The following DNER variants were observed in gnomAD, a reference collection of about 807,000 sequenced individuals.
DNER encodes delta/notch like EGF repeat containing.
Under a neutral mutation model 78.2 loss-of-function variants are expected in DNER, and 33 were observed. That is an observed-to-expected ratio of 0.42 (90% CI 0.32 to 0.56). The LOEUF is 0.56. Among genes scored for constraint, DNER ranks in the 20% least tolerant of loss-of-function variants. DNER has a pLI of 0.11. For missense variants in DNER, 918 were observed against 975.3 expected, an observed-to-expected ratio of 0.94 and a Z score of 0.78; for synonymous variants, 417 against 384.8, an observed-to-expected ratio of 1.08 and a Z score of -0.98.
chr2:229,387,554 A>G (rs1692911882), intron 11 of DNER, among the ~76,000 whole-genome samples: 1 of 151,324 alleles, frequency 6.6e-6, no homozygotes, highest in Admixed American at 6.6e-5. Flanking sequence ...AAAGAAAGAA[A>G]GAAAGAAAGA....
At chr2:229,692,174 A>G (rs75812807) in intron 1 of DNER, among the ~76,000 whole-genome samples, 1 of 152,168 alleles carries the variant, frequency 6.6e-6, no homozygotes, top group Non-Finnish European at 1.5e-5. Context: ...GTTGCTTGCA[A>G]CCCAGAGGGT....
chr2:229,485,071 C>A (rs7565085), intron 6 of DNER, among the ~76,000 whole-genome samples: 19,063 of 152,204 alleles, frequency 0.13, 1,337 homozygotes, highest in South Asian at 0.2. Flanking sequence ...AAACAGATGA[C>A]TATTGAAAAT....
chr2:229,470,576 G>A (rs773925555), intron 7 of DNER, among the ~76,000 whole-genome samples: 2 of 152,154 alleles, frequency 1.3e-5, no homozygotes, highest in Non-Finnish European at 2.9e-5. Flanking sequence ...TTGGAAGGGC[G>A]CAGTGGCTCA....
chr2:229,453,401 G>A (rs996489946), intron 7 of DNER, among the ~76,000 whole-genome samples: 1 of 152,144 alleles, frequency 6.6e-6, no homozygotes, highest in Non-Finnish European at 1.5e-5. Flanking sequence ...TTTTGCAGTT[G>A]TTCAATAGTC....
At chr2:229,627,382 A>G (rs1698362711) in intron 1 of DNER, among the ~76,000 whole-genome samples, 1 of 152,256 alleles carries the variant, frequency 6.6e-6, no homozygotes. Context: ...TTTATTTCAC[A>G]ACTTTAGACA....
chr2:229,567,285 CTA>C (rs1325273152), intron 4 of DNER, among the ~76,000 whole-genome samples: 1 of 152,202 alleles, frequency 6.6e-6, no homozygotes, highest in African/African-American at 2.4e-5. Context: ...CTACTAAAAC[CTA>C]TGATTCATGA....
chr2:229,713,208 G>A (rs1203341848), intron 1 of DNER, among the ~76,000 whole-genome samples: 3 of 152,210 alleles, frequency 2.0e-5, no homozygotes, highest in African/African-American at 7.2e-5. Context: ...CAGGTTTGGG[G>A]ATTTTCTACC....
At chr2:229,705,387 G>T (rs1699810657) in intron 1 of DNER, among the ~76,000 whole-genome samples, 1 of 152,192 alleles carries the variant, frequency 6.6e-6, no homozygotes, top group Non-Finnish European at 1.5e-5. Context: ...CAAGTACAGT[G>T]ATTTCATTTC....
rs1697598815 is a variant in DNER, at chr2:229,591,114, T to C, written c.585+466A>G. Among the ~76,000 whole-genome samples, 1 of 152,238 alleles carries C rather than the reference T, an allele frequency of 6.6e-6. No individual in the cohort carries two copies. Among genetic ancestry groups the C allele is most frequent in the South Asian group, 2.1e-4 (1 of 4,834 alleles). ...ACAATGAGCCAATAAACTTCTTTTC[T>C]CTATAAATTGCCCAGCCTCATGTAT... is the stretch of plus-strand genomic sequence containing the variant. On this transcript the variant is annotated intron_variant, in intron 2 of 12. Transcript: ENST00000341772. The surrounding 1 kb of genome is among the most constrained non-coding windows in gnomAD (Gnocchi z 4.6).
chr2:229,654,731 G>T (rs182382436), intron 1 of DNER, among the ~76,000 whole-genome samples: 1 of 152,098 alleles, frequency 6.6e-6, no homozygotes, highest in Non-Finnish European at 1.5e-5. Flanking sequence ...AGCTACAGAC[G>T]CTATAATCAG....
chr2:229,638,556 C>T (rs1208818218), intron 1 of DNER, among the ~76,000 whole-genome samples: 1 of 152,124 alleles, frequency 6.6e-6, no homozygotes, highest in Non-Finnish European at 1.5e-5. Flanking sequence ...CACATTTTGA[C>T]ATGCAGTGTG....
rs975894923 is a variant in DNER at position 229,395,495 on chromosome 2, G to C, written c.1724-7099C>G. Among the ~76,000 whole-genome samples the C allele has an allele frequency of 4.6e-5, 7 of 152,158 alleles. No homozygotes were observed. The South Asian group carries it at 1.2e-3, about 27-fold the overall frequency. On this transcript the variant is annotated intron_variant, in intron 10 of 12. Coordinates refer to ENST00000341772, the MANE Select transcript of DNER (RefSeq NM_139072.4). ...CCTGTAGTGTTTCCCTCTTTTGGGGGACCCAGGATTCAGTGTAAAATGGGA... is the reference window on the plus strand; with the variant it reads ...CCTGTAGTGTTTCCCTCTTTTGGGGCACCCAGGATTCAGTGTAAAATGGGA...
chr2:229,536,524 A>G (rs1310367054), intron 5 of DNER, among the ~76,000 whole-genome samples: 1 of 152,224 alleles, frequency 6.6e-6, no homozygotes, highest in Admixed American at 6.5e-5. Context: ...CCCCAGGCAC[A>G]GCCATTTATT....
chr2:229,671,393 C>T (rs1030806662), intron 1 of DNER, among the ~76,000 whole-genome samples: 13 of 152,220 alleles, frequency 8.5e-5, no homozygotes, highest in African/African-American at 2.7e-4. Context: ...TTAAAATTCC[C>T]TTAAATGCTG....
intron 1 of DNER, among the ~76,000 whole-genome samples, chr2:229,614,681 G>A (rs1466430778): frequency 6.6e-6 from 1 of 152,144 alleles, no homozygotes; most frequent in East Asian, 1.9e-4. Context: ...CTATGAACCC[G>A]GGCATAAGAG....
chr2:229,705,052 G>A (rs1001280075), intron 1 of DNER, among the ~76,000 whole-genome samples: 1 of 152,162 alleles, frequency 6.6e-6, no homozygotes, highest in Admixed American at 6.5e-5. Context: ...ACTTCAACGC[G>A]GTGGGATACT....
At chr2:229,611,124 T>G (rs565746671) in intron 1 of DNER, among the ~76,000 whole-genome samples, 1 of 152,382 alleles carries the variant, frequency 6.6e-6, no homozygotes, top group East Asian at 1.9e-4. Flanking sequence ...ACTGAGCAGC[T>G]GTATAGTGCC....
intron 10 of DNER, among the ~76,000 whole-genome samples, chr2:229,395,719 T>C (rs1018982616): frequency 7.2e-5 from 11 of 152,088 alleles, no homozygotes; most frequent in Admixed American, 7.2e-4. Context: ...GCCAACATGG[T>C]AAAACCCCAT....
intron 1 of DNER, among the ~76,000 whole-genome samples, chr2:229,603,277 A>G (rs146864379): frequency 6.9e-4 from 105 of 152,068 alleles, no homozygotes; most frequent in African/African-American, 2.5e-3. Context: ...AATAAACAGA[A>G]CACAAAGAGT....
Sources: gnomAD v4.1 joint callset for allele counts (sites outside exome capture counted in the v4.1 genomes callset) on GRCh38, gnomAD v4.1.1 for gene constraint, Gnocchi (gnomAD v3.1) non-coding constraint, MANE v1.5 for transcripts, NCBI Gene and HGNC (gene_info 2026-07-23, HGNC 2026-07-21) for gene names.